The following ZNF385D variants were observed in gnomAD, a reference collection of about 807,000 sequenced individuals.
The protein encoded by ZNF385D is zinc finger protein 659.
In ZNF385D, 15 loss-of-function variants were observed where a neutral mutation model predicts 35.8. That is an observed-to-expected ratio of 0.42 (90% CI 0.28 to 0.64). The LOEUF (loss-of-function observed/expected upper bound fraction) is 0.64. Ranked by LOEUF, ZNF385D falls within the 30% of genes least tolerant of loss-of-function variation. The pLI, the probability that ZNF385D is intolerant of heterozygous loss-of-function variation, is 0.23. For synonymous variants in ZNF385D, 212 were observed against 186.8 expected (o/e 1.13, Z -1.10); for missense variants, 474 against 494.6 (o/e 0.96, Z 0.39).
chr3:21,895,319 C>CT (rs34167369), intron 3 of ZNF385D, among the ~76,000 whole-genome samples: 8,977 of 62,578 alleles, frequency 0.14, 2,321 homozygotes, highest in South Asian at 0.19. Flanking sequence ...AAATGTGTGG[C>CT]TTTTTTTTTT....
intron 3 of ZNF385D, among the ~76,000 whole-genome samples, chr3:22,143,430 G>C (rs556440483): frequency 1.7e-4 from 26 of 152,254 alleles, no homozygotes; most frequent in Non-Finnish European, 2.6e-4. Context: ...TAAATGCAAA[G>C]TAAACAGGGG....
intron 3 of ZNF385D, among the ~76,000 whole-genome samples, chr3:21,891,725 C>T (rs778788835): frequency 1.3e-5 from 2 of 152,158 alleles, no homozygotes; most frequent in East Asian, 1.9e-4. Flanking sequence ...TTGACGTTTT[C>T]TAACAATCTG....
chr3:21,798,458 T>C (rs1420451578), intron 3 of ZNF385D, among the ~76,000 whole-genome samples: 1 of 152,174 alleles, frequency 6.6e-6, no homozygotes, highest in African/African-American at 2.4e-5. Flanking sequence ...GTCCTTACCA[T>C]TGGTCCCCTT....
rs1283418468 is a variant in ZNF385D at position 21,416,402 on chromosome 3, A to G, written c.*4812T>C. The G allele has an allele frequency of 1.3e-5, 2 of 152,162 alleles. No homozygotes were observed. The highest frequency in any genetic ancestry group is 2.9e-5 in the Non-Finnish European group (2 of 68,016). The allele number at this position is 152,162 out of a possible 1,614,324, so 9.4% of individuals were successfully genotyped here. ...CTTTTGTCACCATTCACATTCTGGT[A>G]AGTTGTAAGTCCATTCCTGGCAGTA... On this transcript the variant is annotated 3_prime_UTR_variant, in exon 8 of 8. Coordinates refer to ENST00000281523, the MANE Select transcript of ZNF385D (RefSeq NM_024697.3).
intron 2 of ZNF385D, among the ~76,000 whole-genome samples, chr3:21,568,054 G>GT (rs2063209963): frequency 6.7e-6 from 1 of 148,794 alleles, no homozygotes; most frequent in Non-Finnish European, 1.5e-5. Context: ...TCCCAGAATA[G>GT]TTAAAAAAAA....
rs1706127674 is a variant in ZNF385D at position 21,498,810 on chromosome 3, G to A, written c.439+12051C>T. Among the ~76,000 whole-genome samples, 4 of 152,002 alleles carry A rather than the reference G, an allele frequency of 2.6e-5. No individual in the cohort carries two copies. The South Asian group carries it at 8.3e-4, about 32-fold the overall frequency. ...TACAAAAAATTAGCTGGGCGTGGTG[G>A]CGTGAGCCTGTGGTCCCAGCTACTT... On this transcript the variant is annotated intron_variant, in intron 4 of 7. Transcript: ENST00000281523.
Position 22,062,663 on chromosome 3 carries a change from T to G in ZNF385D, c.325+106154A>C, listed in dbSNP as rs143512889. 5.6e-3 allele frequency among the ~76,000 whole-genome samples: 850 copies of G among 152,330 alleles called. 6 individuals carry two copies. Among genetic ancestry groups the G allele is most frequent in the Non-Finnish European group, 9.6e-3 (654 of 68,036 alleles). On this transcript the variant is annotated intron_variant, in intron 3 of 5. Transcript: ENST00000494108. ...ACTCTATCTTCCTTCCACGTAAGTG[T>G]GGCCCAGGCTTAGTGACCTGCTTTT...
intron 2 of ZNF385D, among the ~76,000 whole-genome samples, chr3:21,569,914 G>C (rs1390844074): frequency 5.7e-5 from 8 of 141,468 alleles, no homozygotes; most frequent in Non-Finnish European, 4.6e-5. Flanking sequence ...GTTGTGGGGT[G>C]GGGGGGCAGG....
chr3:21,950,267 T>C (rs566699836), intron 3 of ZNF385D, among the ~76,000 whole-genome samples: 1 of 151,968 alleles, frequency 6.6e-6, no homozygotes, highest in African/African-American at 2.4e-5. Flanking sequence ...CATGAGATGG[T>C]ATCTCATTGT....
intron 1 of ZNF385D, among the ~76,000 whole-genome samples, chr3:21,736,651 T>G (rs7625853): frequency 0.55 from 83,563 of 151,966 alleles, 23,354 homozygotes; most frequent in Middle Eastern, 0.65. Context: ...CACCACTGCC[T>G]TTTTGAATAA....
chr3:21,999,657 G>A (rs1695711442), intron 3 of ZNF385D, among the ~76,000 whole-genome samples: 2 of 151,840 alleles, frequency 1.3e-5, no homozygotes, highest in East Asian at 3.9e-4. Flanking sequence ...CATTAAATGA[G>A]ATTTATACTA....
chr3:21,661,065 G>C (rs913104838), intron 2 of ZNF385D, among the ~76,000 whole-genome samples: 2 of 152,158 alleles, frequency 1.3e-5, no homozygotes, highest in African/African-American at 4.8e-5. Flanking sequence ...TGGGATTACT[G>C]AGTGTCCTGT....
At chr3:22,066,325 T>C (rs1324603438) in intron 3 of ZNF385D, among the ~76,000 whole-genome samples, 1 of 151,556 alleles carries the variant, frequency 6.6e-6, no homozygotes. Flanking sequence ...TGTGTATGTG[T>C]GTGTATTAGT....
chr3:21,629,138 T>C (rs1170069561), intron 2 of ZNF385D, among the ~76,000 whole-genome samples: 1 of 152,148 alleles, frequency 6.6e-6, no homozygotes, highest in Non-Finnish European at 1.5e-5. Context: ...CAGTCAACTC[T>C]GGGATAAGTG....
intron 3 of ZNF385D, among the ~76,000 whole-genome samples, chr3:21,804,908 T>C (rs1262979600): frequency 6.6e-6 from 1 of 152,208 alleles, no homozygotes; most frequent in Non-Finnish European, 1.5e-5. Context: ...ATTTTAAAAA[T>C]GAAAATTTAA....
In ZNF385D at chr3:22,225,138, T is replaced by A. The variant is rs1324931858; in HGVS notation, c.107-56103A>T. 7.2e-5 allele frequency among the ~76,000 whole-genome samples: 11 copies of A among 152,228 alleles called. No individual in the cohort carries two copies. In the South Asian group the frequency reaches 8.3e-4, roughly 11 times the overall value. On this transcript the variant is annotated intron_variant, in intron 2 of 5. Coordinates refer to the ZNF385D transcript ENST00000494108. The stretch of plus-strand genomic sequence containing the variant: ...AATTCCTGACTTTATGTAGTGTTAA[T>A]TTGCTCCCTTTACTTCCCTTCTTAT...
Position 21,421,231 on chromosome 3 carries a change from G to A in ZNF385D, c.1171C>T (p.Leu391=), listed in dbSNP as rs560065253. 3 of 1,614,046 alleles carry A rather than the reference G, an allele frequency of 1.9e-6. No homozygotes were observed. The South Asian group carries it at 3.3e-5, about 18-fold the overall frequency. Residue 391 remains leucine, a synonymous_variant, in exon 8 of 8, where the codon CTG becomes TTG. Coordinates refer to ENST00000281523, the MANE Select transcript of ZNF385D (RefSeq NM_024697.3). ...GPIRTAHTPV[L]FAPY ...TTTGGAATTTAGTAAGGAGCAAACA[G>A]CACAGGAGTGTGGGCGGTCCGAATG... is the stretch of plus-strand genomic sequence containing the variant.
chr3:21,753,376 C>A (rs1190270081), upstream of ZNF385D, among the ~76,000 whole-genome samples: 1 of 152,308 alleles, frequency 6.6e-6, no homozygotes, highest in East Asian at 1.9e-4. Flanking sequence ...AATGTCACTG[C>A]ATGTTCTAGA....
chr3:21,808,649 G>A (rs892969900), intron 3 of ZNF385D, among the ~76,000 whole-genome samples: 5 of 152,234 alleles, frequency 3.3e-5, no homozygotes, highest in Non-Finnish European at 7.3e-5. Context: ...GGAAGGTAAT[G>A]ACAGCAAAGG....
Sources: allele counts gnomAD v4.1 joint callset (sites outside exome capture counted in the v4.1 genomes callset), GRCh38; gene constraint gnomAD v4.1.1; transcripts MANE v1.5; gene names NCBI Gene and HGNC (gene_info 2026-07-23, HGNC 2026-07-21).